ASTN2: variants seen among roughly 807,000 people sequenced by gnomAD.
ASTN2 encodes astrotactin-2.
A neutral mutation model predicts 139.8 loss-of-function variants in ASTN2; 54 were observed. That is an observed-to-expected ratio of 0.39 (90% CI 0.31 to 0.48). The LOEUF (loss-of-function observed/expected upper bound fraction) is 0.48, where lower values mean the gene tolerates loss of function less well. Ranked by LOEUF, ASTN2 falls within the 20% of genes least tolerant of loss-of-function variation. ASTN2 has a pLI of 0.95. For missense variants in ASTN2, 1,565 were observed against 1,725.1 expected (o/e 0.91, Z 1.64); for synonymous variants, 756 against 719.5 (o/e 1.05, Z -0.81).
At chr9:117,018,443 C>CA (rs35225865) in intron 6 of ASTN2, among the ~76,000 whole-genome samples, 102,159 of 151,936 alleles carry the variant, frequency 0.67, 35,268 homozygotes, top group Middle Eastern at 0.8. Flanking sequence ...AAATCTCTTT[C>CA]ATTACTACAC....
chr9:117,139,326 C>T (rs1016813660), intron 4 of ASTN2, among the ~76,000 whole-genome samples: 2 of 152,142 alleles, frequency 1.3e-5, no homozygotes, highest in African/African-American at 2.4e-5. Flanking sequence ...GGCTTGGCAT[C>T]CTCATTTTAC....
At chr9:116,569,565 C>T (rs1372057863) in intron 19 of ASTN2, among the ~76,000 whole-genome samples, 1 of 152,146 alleles carries the variant, frequency 6.6e-6, no homozygotes, top group Non-Finnish European at 1.5e-5. Flanking sequence ...AATGTGTGCT[C>T]CAGACCATGT....
chr9:117,188,664 T>C (rs917492241), intron 3 of ASTN2, among the ~76,000 whole-genome samples: 1 of 152,160 alleles, frequency 6.6e-6, no homozygotes, highest in African/African-American at 2.4e-5. Context: ...GGGTTCAGCA[T>C]TCATTCCACG....
intron 22 of ASTN2, among the ~76,000 whole-genome samples, chr9:116,434,535 G>C (rs556790032): frequency 9.2e-5 from 14 of 152,322 alleles, no homozygotes; most frequent in African/African-American, 3.4e-4. Context: ...TGCCATGGAG[G>C]CAAGAGGAGC....
chr9:117,332,495 G>A (rs1668704673), intron 1 of ASTN2, among the ~76,000 whole-genome samples: 3 of 152,326 alleles, frequency 2.0e-5, no homozygotes, highest in Middle Eastern at 6.8e-3. Flanking sequence ...GAGCCAGAGA[G>A]GCAGAGTTTG....
Position 116,423,212 on chromosome 9 carries a change from T to C in ASTN2, c.*2639A>G, listed in dbSNP as rs1847231078. 6.6e-6 allele frequency among the ~76,000 whole-genome samples: 1 copy of C among 152,072 alleles called. No individual in the cohort carries two copies. The highest frequency in any genetic ancestry group is 2.1e-4 in the South Asian group (1 of 4,820). On this transcript the variant is annotated 3_prime_UTR_variant, in exon 23 of 23. Transcript: ENST00000313400. The stretch of plus-strand genomic sequence containing the variant: ...AAGACTCACAGTATTATGCATATTG[T>C]CTCCATCAGGAGAAAAAATAAAAAA...
chr9:116,599,377 T>TATTG (rs1854752015), intron 19 of ASTN2, among the ~76,000 whole-genome samples: 1 of 152,122 alleles, frequency 6.6e-6, no homozygotes, highest in Non-Finnish European at 1.5e-5. Flanking sequence ...TAAGCGAGAG[T>TATTG]ATTGTAACTG....
At chr9:116,620,210 C>A in intron 18 of ASTN2, 100 bp downstream of exon 18, 1 of 1,548,024 alleles carries the variant, frequency 6.5e-7, no homozygotes, top group Non-Finnish European at 8.8e-7. Flanking sequence ...TCTTGTTAGG[C>A]ACCTTGGGAG....
chr9:116,867,323 G>GA (rs1387589698), intron 10 of ASTN2, among the ~76,000 whole-genome samples: 1 of 152,066 alleles, frequency 6.6e-6, no homozygotes, highest in Non-Finnish European at 1.5e-5. Context: ...GACAAATGCA[G>GA]AAAGACAGAA....
intron 10 of ASTN2, among the ~76,000 whole-genome samples, chr9:116,936,422 A>G (rs1042409967): frequency 6.6e-5 from 10 of 152,120 alleles, no homozygotes; most frequent in African/African-American, 2.4e-4. Flanking sequence ...GGTGCCAAGC[A>G]CTTTACATGC....
chr9:116,826,282 A>G (rs1405357240), intron 11 of ASTN2, among the ~76,000 whole-genome samples: 1 of 152,096 alleles, frequency 6.6e-6, no homozygotes, highest in Non-Finnish European at 1.5e-5. Flanking sequence ...AGTGGGCCAC[A>G]CTCACCACAG....
chr9:117,370,339 T>C (rs1390875784), intron 1 of ASTN2, among the ~76,000 whole-genome samples: 1 of 152,160 alleles, frequency 6.6e-6, no homozygotes. Context: ...TCAATCACCC[T>C]GTTTCTCCCT....
intron 13 of ASTN2, among the ~76,000 whole-genome samples, chr9:116,791,071 T>C (rs1830544002): frequency 6.8e-6 from 1 of 147,372 alleles, no homozygotes. Context: ...GAAGGAAAGG[T>C]CTCAAACTCC....
At chr9:116,754,826 C>A (rs1829493176) in intron 13 of ASTN2, among the ~76,000 whole-genome samples, 1 of 152,178 alleles carries the variant, frequency 6.6e-6, no homozygotes, top group Admixed American at 6.5e-5. Context: ...TATAGTCTAA[C>A]CTCTCCAACA....
At chr9:116,615,125 T>G (rs1855771984) in intron 19 of ASTN2, among the ~76,000 whole-genome samples, 1 of 152,046 alleles carries the variant, frequency 6.6e-6, no homozygotes, top group Non-Finnish European at 1.5e-5. Flanking sequence ...CATGAAAAAA[T>G]GCTCATCATC....
chr9:116,566,099 T>C (rs58494876), intron 19 of ASTN2, among the ~76,000 whole-genome samples: 24,151 of 152,214 alleles, frequency 0.16, 2,085 homozygotes, highest in African/African-American at 0.21. Context: ...TCTTCACTTG[T>C]CTACACTATA....
At chr9:116,679,112 G>C (rs1234641029) in intron 16 of ASTN2, among the ~76,000 whole-genome samples, 2 of 151,980 alleles carry the variant, frequency 1.3e-5, no homozygotes, top group Non-Finnish European at 2.9e-5. Flanking sequence ...CAGAGTAAAG[G>C]TTTTTCTTTT....
At chr9:116,658,580 G>A (rs558739733) in intron 16 of ASTN2, among the ~76,000 whole-genome samples, 1 of 152,122 alleles carries the variant, frequency 6.6e-6, no homozygotes, top group Admixed American at 6.5e-5. Context: ...CAGGTCTTAC[G>A]AGAAGTCCCA....
intron 13 of ASTN2, among the ~76,000 whole-genome samples, chr9:116,763,213 C>T (rs1016345521): frequency 2.6e-5 from 4 of 152,236 alleles, no homozygotes; most frequent in African/African-American, 9.6e-5. Flanking sequence ...TTTAGCATGT[C>T]GTTTGGCATG....
Sources: gnomAD v4.1 joint callset for allele counts (sites outside exome capture counted in the v4.1 genomes callset) on GRCh38, gnomAD v4.1.1 for gene constraint, MANE v1.5 for transcripts, NCBI Gene and HGNC (gene_info 2026-07-23, HGNC 2026-07-21) for gene names.